CPEB3: variants seen among roughly 807,000 people sequenced by gnomAD.
The protein encoded by CPEB3 is cytoplasmic polyadenylation element binding protein 3.
In CPEB3, 20 loss-of-function variants were observed where a neutral mutation model predicts 67.2. The ratio of observed to expected loss-of-function variants is 0.30; its 90% CI spans 0.21 to 0.43. The LOEUF (loss-of-function observed/expected upper bound fraction) is 0.43, where lower values mean the gene tolerates loss of function less well. Among genes scored for constraint, CPEB3 ranks in the 20% least tolerant of loss-of-function variants. CPEB3 has a pLI of 1.00. For synonymous variants in CPEB3, 376 were observed against 393.1 expected (o/e 0.96, Z 0.51); for missense variants, 746 against 968.6 (o/e 0.77, Z 3.05).
chr10:92,178,486 A>T (rs925079313), intron 4 of CPEB3, among the ~76,000 whole-genome samples: 2 of 152,064 alleles, frequency 1.3e-5, no homozygotes, highest in African/African-American at 4.8e-5. Flanking sequence ...ATGAAGGTTG[A>T]CAGAAAGGAA....
chr10:92,230,173 C>T (rs1053393549), intron 2 of CPEB3, among the ~76,000 whole-genome samples: 2 of 152,132 alleles, frequency 1.3e-5, no homozygotes, highest in Non-Finnish European at 2.9e-5. Context: ...TGAATACCTA[C>T]TAAGTGTCAG....
intron 2 of CPEB3, among the ~76,000 whole-genome samples, chr10:92,233,335 C>T (rs915408105): frequency 2.0e-5 from 3 of 151,948 alleles, no homozygotes; most frequent in Admixed American, 6.6e-5. Context: ...TCAAAACTAG[C>T]CTAGCCAACA....
At chr10:92,141,430 A>G (rs1450106174) in intron 6 of CPEB3, among the ~76,000 whole-genome samples, 2 of 148,624 alleles carry the variant, frequency 1.3e-5, no homozygotes, top group African/African-American at 4.9e-5. Context: ...GAATTGAACA[A>G]TGAGAACACA....
chr10:92,067,834 T>C (rs1842615760), intron 9 of CPEB3, among the ~76,000 whole-genome samples: 1 of 151,966 alleles, frequency 6.6e-6, no homozygotes, highest in Non-Finnish European at 1.5e-5. Flanking sequence ...AATAAATAAA[T>C]AAAAATAGAT....
Position 92,239,582 on chromosome 10 carries a change from T to TGGACGG in CPEB3, c.763_768dup (p.Pro255_Ser256dup). Reference sequence around the variant, plus strand: ...CCCGCCTGCAGGCCGCCCCAGGGGTTGGACGGTGCGCTCCAGGCTGCATTC... The same window carrying TGGACGG: ...CCCGCCTGCAGGCCGCCCCAGGGGTTGGACGGGGACGGTGCGCTCCAGGCTGCATTC... On this transcript the variant is annotated inframe_insertion, in exon 2 of 10. Coordinates refer to ENST00000265997, the MANE Select transcript of CPEB3 (RefSeq NM_014912.5). This position sits in a 1 kb window ranked among gnomAD's most constrained non-coding sequence, Gnocchi z 6.0. The TGGACGG allele has an allele frequency of 6.4e-7, 1 of 1,554,874 alleles. No individual in the cohort carries two copies. Among genetic ancestry groups the TGGACGG allele is most frequent in the Non-Finnish European group, 8.7e-7 (1 of 1,148,878 alleles).
chr10:92,053,795 C>A (rs949495561), intron 9 of CPEB3, among the ~76,000 whole-genome samples: 2 of 152,218 alleles, frequency 1.3e-5, no homozygotes, highest in Non-Finnish European at 1.5e-5. Flanking sequence ...CCCGCCTCGG[C>A]CTCCCAAAGT....
chr10:92,258,625 AATATATATATATAT>A (rs56316802), intron 1 of CPEB3, among the ~76,000 whole-genome samples: 788 of 32,740 alleles, frequency 0.024, 13 homozygotes, highest in Non-Finnish European at 0.028. Context: ...ATATTTTTTG[AATATATATATATAT>A]ATATATATAT....
At chr10:92,198,359 C>T (rs1849341173) in intron 2 of CPEB3, among the ~76,000 whole-genome samples, 1 of 152,196 alleles carries the variant, frequency 6.6e-6, no homozygotes, top group Non-Finnish European at 1.5e-5. Context: ...CCCTGCAACA[C>T]AAGCAACTTG....
At chr10:92,226,020 C>T (rs927931973) in intron 2 of CPEB3, among the ~76,000 whole-genome samples, 1 of 152,116 alleles carries the variant, frequency 6.6e-6, no homozygotes, top group African/African-American at 2.4e-5. Context: ...TTGCTTGAAC[C>T]CAGGAGGCGG....
At position 92,051,193 on chromosome 10, in the gene CPEB3, G is replaced by C. The variant is rs1035813962; in HGVS notation, c.*1019C>G. On this transcript the variant is annotated 3_prime_UTR_variant, in exon 10 of 10. Coordinates refer to ENST00000265997, the MANE Select transcript of CPEB3 (RefSeq NM_014912.5). ...CATTTATTGAGGCATGCCTTCCTCC[G>C]GTCAATTACCAATTCTTTGAATGAA... The C allele has an allele frequency of 6.6e-6, 1 of 152,252 alleles. No individual in the cohort carries two copies. Among genetic ancestry groups the C allele is most frequent in the Non-Finnish European group, 1.5e-5 (1 of 67,984 alleles). The allele number at this position is 152,252 out of a possible 1,614,324, so 9.4% of individuals were successfully genotyped here. A position where few individuals can be genotyped will look rare whatever the true frequency, so the allele number is the denominator to read the frequency against.
intron 4 of CPEB3, among the ~76,000 whole-genome samples, chr10:92,175,581 A>G (rs1375673949): frequency 6.6e-6 from 1 of 152,208 alleles, no homozygotes; most frequent in Admixed American, 6.5e-5. Context: ...GACACTTTTT[A>G]AAGTGCCAAC....
At chr10:92,101,300 T>A (rs900506180) in intron 7 of CPEB3, among the ~76,000 whole-genome samples, 8 of 152,186 alleles carry the variant, frequency 5.3e-5, no homozygotes, top group Non-Finnish European at 7.3e-5. Flanking sequence ...CTCTTTTCAG[T>A]ACCGTTCAAA....
chr10:92,168,721 C>T (rs1266133849), intron 4 of CPEB3, among the ~76,000 whole-genome samples: 2 of 151,118 alleles, frequency 1.3e-5, no homozygotes, highest in Admixed American at 6.6e-5. Context: ...GCTTCCCCTT[C>T]TGCCATGATT....
intron 1 of CPEB3, among the ~76,000 whole-genome samples, chr10:92,286,097 G>T (rs1039741737): frequency 1.3e-5 from 2 of 151,706 alleles, no homozygotes; most frequent in African/African-American, 4.8e-5. Flanking sequence ...CACCATGCCC[G>T]GCTAATTTTT....
chr10:92,118,290 C>G (rs1845143240), intron 6 of CPEB3, among the ~76,000 whole-genome samples: 1 of 152,130 alleles, frequency 6.6e-6, no homozygotes, highest in Non-Finnish European at 1.5e-5. Context: ...CACCACCACA[C>G]CTGGCTAATT....
rs1841897335 is a variant in CPEB3, at chr10:92,051,668, A to G, written c.*544T>C. On this transcript the variant is annotated 3_prime_UTR_variant, in exon 10 of 10. Coordinates refer to ENST00000265997, the MANE Select transcript of CPEB3 (RefSeq NM_014912.5). Reference sequence around the variant, plus strand: ...CAAAATAGAGAGCAACTAAAGGCTTATTTTCATGAAGGGTTATCCTTACTC... The same window carrying G: ...CAAAATAGAGAGCAACTAAAGGCTTGTTTTCATGAAGGGTTATCCTTACTC... 6.6e-6 allele frequency: 1 copy of G among 152,406 alleles called. No individual in the cohort carries two copies. The highest frequency in any genetic ancestry group is 1.5e-5 in the Non-Finnish European group (1 of 68,090). 9.4% of individuals were successfully genotyped at this position (152,406 alleles called of 1,614,324 possible). A position where few individuals can be genotyped will look rare whatever the true frequency, so the allele number is the denominator to read the frequency against.
At chr10:92,217,853 C>T (rs1237569769) in intron 2 of CPEB3, among the ~76,000 whole-genome samples, 1 of 152,228 alleles carries the variant, frequency 6.6e-6, no homozygotes, top group Non-Finnish European at 1.5e-5. Context: ...TCAAAGAGGT[C>T]AGGCCTGTAA....
At chr10:92,131,405 A>T (rs1209803020) in intron 6 of CPEB3, among the ~76,000 whole-genome samples, 1 of 152,192 alleles carries the variant, frequency 6.6e-6, no homozygotes, top group Non-Finnish European at 1.5e-5. Flanking sequence ...TCAGTTAACA[A>T]TTTAAGTAGG....
chr10:92,203,581 C>T (rs1348278214), intron 2 of CPEB3, among the ~76,000 whole-genome samples: 1 of 149,782 alleles, frequency 6.7e-6, no homozygotes, highest in Admixed American at 6.7e-5. Flanking sequence ...CCATGCCTGG[C>T]TAATTTTTGT....
Sources: allele counts gnomAD v4.1 joint callset (sites outside exome capture counted in the v4.1 genomes callset), GRCh38; gene constraint gnomAD v4.1.1; non-coding constraint Gnocchi (gnomAD v3.1); transcripts MANE v1.5; gene names NCBI Gene and HGNC (gene_info 2026-07-23, HGNC 2026-07-21).